Variants in PRKN observed in about 807,000 individuals in gnomAD.
PRKN encodes E3 ubiquitin-protein ligase parkin.
PRKN carries 56 observed loss-of-function variants against 59.5 expected under a neutral mutation model. That is an observed-to-expected ratio of 0.94 (90% confidence interval 0.76 to 1.18). PRKN has a LOEUF of 1.18. PRKN is among the 50% of genes most tolerant of loss of function. The pLI is 0.00. For missense variants in PRKN, 657 were observed against 596.4 expected, an observed-to-expected ratio of 1.10 and a Z score of -1.06; for synonymous variants, 250 against 222.1, an observed-to-expected ratio of 1.13 and a Z score of -1.12.
chr6:162,590,277 C>G (rs914295034), intron 1 of PRKN, among the ~76,000 whole-genome samples: 1 of 152,058 alleles, frequency 6.6e-6, no homozygotes, highest in African/African-American at 2.4e-5. Flanking sequence ...ATAATACTAA[C>G]CTTCTGAGAC....
intron 6 of PRKN, among the ~76,000 whole-genome samples, chr6:161,866,661 G>A (rs989116520): frequency 6.6e-6 from 1 of 152,168 alleles, no homozygotes; most frequent in Non-Finnish European, 1.5e-5. Context: ...TGGCACTGAT[G>A]GAGTGGCTCA....
At chr6:162,379,333 T>C (rs1786302719) in intron 2 of PRKN, among the ~76,000 whole-genome samples, 1 of 152,164 alleles carries the variant, frequency 6.6e-6, no homozygotes, top group Non-Finnish European at 1.5e-5. Flanking sequence ...CCTCAATTCA[T>C]TGTCCTTCTG....
intron 4 of PRKN, among the ~76,000 whole-genome samples, chr6:162,182,765 AAGCCTGCT>A (rs1488743127): frequency 6.6e-6 from 1 of 152,218 alleles, no homozygotes; most frequent in Non-Finnish European, 1.5e-5. Context: ...GTTCTGTGGC[AAGCCTGCT>A]TAGAGCAAGT....
At chr6:162,099,085 AAAG>A (rs780947658) in intron 4 of PRKN, among the ~76,000 whole-genome samples, 1 of 152,212 alleles carries the variant, frequency 6.6e-6, no homozygotes, top group South Asian at 2.1e-4. Context: ...TGTTTTAAAA[AAAG>A]AAGAAAATTA....
At chr6:161,864,821 T>A (rs1342310991) in intron 6 of PRKN, among the ~76,000 whole-genome samples, 3 of 151,978 alleles carry the variant, frequency 2.0e-5, no homozygotes, top group Non-Finnish European at 4.4e-5. Context: ...ACCTGGCTAA[T>A]TTTTTCGTAT....
chr6:162,511,552 G>C (rs755425742), intron 1 of PRKN, among the ~76,000 whole-genome samples: 19 of 152,054 alleles, frequency 1.2e-4, no homozygotes, highest in Non-Finnish European at 1.9e-4. Context: ...TAATTAAAAG[G>C]GAATAGGAAA....
intron 2 of PRKN, among the ~76,000 whole-genome samples, chr6:162,439,181 C>T (rs1789930513): frequency 6.6e-6 from 1 of 152,136 alleles, no homozygotes; most frequent in African/African-American, 2.4e-5. Flanking sequence ...TTTTCTGTTG[C>T]ATTTGGCTGG....
At chr6:162,349,240 G>A (rs1161758055) in intron 2 of PRKN, among the ~76,000 whole-genome samples, 1 of 152,138 alleles carries the variant, frequency 6.6e-6, no homozygotes, top group Non-Finnish European at 1.5e-5. Context: ...GGCTGAGGTG[G>A]GTGGATCACT....
intron 6 of PRKN, among the ~76,000 whole-genome samples, chr6:161,876,464 G>A (rs547247227): frequency 2.2e-4 from 33 of 152,136 alleles, no homozygotes; most frequent in African/African-American, 7.2e-4. Flanking sequence ...GGCGCATGCC[G>A]TCACACCCAG....
At chr6:162,510,626 C>T (rs1027749723) in intron 1 of PRKN, among the ~76,000 whole-genome samples, 2 of 152,098 alleles carry the variant, frequency 1.3e-5, no homozygotes, top group African/African-American at 2.4e-5. Flanking sequence ...CACCTTAAAA[C>T]TTATTTATAC....
At chr6:162,346,780 G>A (rs1246526136) in intron 2 of PRKN, among the ~76,000 whole-genome samples, 1 of 152,006 alleles carries the variant, frequency 6.6e-6, no homozygotes, top group Non-Finnish European at 1.5e-5. Context: ...TTACATTATT[G>A]ATTATTTATG....
intron 7 of PRKN, among the ~76,000 whole-genome samples, chr6:161,685,975 C>T (rs931650483): frequency 6.6e-6 from 1 of 151,032 alleles, no homozygotes; most frequent in African/African-American, 2.4e-5. Flanking sequence ...ATGGGTTTTG[C>T]TTCTAGTGAC....
In PRKN at chr6:161,354,431, T is replaced by C. The variant is rs1784677021; in HGVS notation, c.1286-4220A>G. 6.6e-6 allele frequency among the ~76,000 whole-genome samples: 1 copy of C among 152,078 alleles called. No homozygotes were observed. Among genetic ancestry groups the C allele is most frequent in the Non-Finnish European group, 1.5e-5 (1 of 68,020 alleles). Reference sequence around the variant, plus strand: ...TGGCTCCGGCCAGCAATTCTTCCACTAGATTTAATGAGAGCGTGGAAGTCC... The same window carrying C: ...TGGCTCCGGCCAGCAATTCTTCCACCAGATTTAATGAGAGCGTGGAAGTCC... On this transcript the variant is annotated intron_variant, in intron 11 of 11. Transcript: ENST00000366898. This position sits in a 1 kb window ranked among gnomAD's most constrained non-coding sequence, Gnocchi z 6.7.
chr6:162,638,008 G>A (rs539073295), intron 1 of PRKN, among the ~76,000 whole-genome samples: 15 of 151,890 alleles, frequency 9.9e-5, no homozygotes, highest in South Asian at 8.3e-4. Context: ...ACAATATAAC[G>A]AAGGCAGATG....
chr6:162,468,842 A>G (rs1791567960), intron 1 of PRKN, among the ~76,000 whole-genome samples: 2 of 152,208 alleles, frequency 1.3e-5, no homozygotes, highest in South Asian at 2.1e-4. Context: ...AATATATTGG[A>G]TGGATATATA....
At position 161,973,171 on chromosome 6, in the gene PRKN, G is replaced by T. The variant is rs533661719; in HGVS notation, c.734+131C>A. 2,338 of 710,390 alleles carry T rather than the reference G, an allele frequency of 3.3e-3. 6 individuals carry two copies. Among genetic ancestry groups the T allele is most frequent in the Non-Finnish European group, 3.6e-3 (1,411 of 388,616 alleles). 44.0% of individuals were successfully genotyped at this position (710,390 alleles called of 1,614,324 possible). On this transcript the variant is annotated intron_variant, in intron 6 of 11. Transcript: ENST00000366898. ...TCAAAATAAAGCAGACACTCCCCAGGAAAGAGAGTTCACTGAGGAAGGCTC... is the reference window on the plus strand; with the variant it reads ...TCAAAATAAAGCAGACACTCCCCAGTAAAGAGAGTTCACTGAGGAAGGCTC...
chr6:162,649,649 ACT>A (rs1178635697), intron 1 of PRKN, among the ~76,000 whole-genome samples: 1 of 151,764 alleles, frequency 6.6e-6, no homozygotes, highest in Non-Finnish European at 1.5e-5. Flanking sequence ...ACAGTGCAAT[ACT>A]CTGTCTCAAA....
At chr6:162,646,913 G>A (rs868782669) in intron 1 of PRKN, among the ~76,000 whole-genome samples, 1 of 152,164 alleles carries the variant, frequency 6.6e-6, no homozygotes, top group African/African-American at 2.4e-5. Context: ...TGTCACATAT[G>A]CAGTCTGTCA....
intron 2 of PRKN, among the ~76,000 whole-genome samples, chr6:162,335,170 C>T (rs1234040809): frequency 2.0e-5 from 3 of 151,678 alleles, no homozygotes; most frequent in African/African-American, 7.3e-5. Context: ...CACGGCACCA[C>T]GTTTGGCTAC....
Sources: gnomAD v4.1 joint callset for allele counts (sites outside exome capture counted in the v4.1 genomes callset) on GRCh38, gnomAD v4.1.1 for gene constraint, Gnocchi (gnomAD v3.1) non-coding constraint, MANE v1.5 for transcripts, NCBI Gene and HGNC (gene_info 2026-07-23, HGNC 2026-07-21) for gene names.